Variants in TAF3 observed in about 807,000 individuals in gnomAD.
TAF3 encodes the protein TATA-box binding protein associated factor 3.
TAF3 carries 7 observed loss-of-function variants against 80.6 expected under a neutral mutation model. That is an observed-to-expected ratio of 0.09 (90% CI 0.05 to 0.16). The LOEUF is 0.16. Among genes scored for constraint, TAF3 ranks in the 10% least tolerant of loss-of-function variants. The pLI, the probability that TAF3 is intolerant of heterozygous loss-of-function variation, is 1.00. For missense variants in TAF3, 921 were observed against 1,140.2 expected, an observed-to-expected ratio of 0.81 and a Z score of 2.77; for synonymous variants, 444 against 446.1, an observed-to-expected ratio of 1.00 and a Z score of 0.06.
At chr10:7,924,988 GAGAAATACTCT>G (rs1263237395) in intron 2 of TAF3, among the ~76,000 whole-genome samples, 1 of 152,116 alleles carries the variant, frequency 6.6e-6, no homozygotes, top group Non-Finnish European at 1.5e-5. Flanking sequence ...TGTTAAAAGT[GAGAAATACTCT>G]AGATTTGTAA....
At chr10:7,973,963 A>T (rs1234583125) in intron 3 of TAF3, among the ~76,000 whole-genome samples, 4 of 152,070 alleles carry the variant, frequency 2.6e-5, no homozygotes, top group Admixed American at 2.6e-4. Flanking sequence ...CCCTGTCTCT[A>T]ATACAAATAC....
At chr10:7,993,852 T>A (rs1485382066) in intron 4 of TAF3, among the ~76,000 whole-genome samples, 1 of 150,244 alleles carries the variant, frequency 6.7e-6, no homozygotes, top group East Asian at 2.0e-4. Flanking sequence ...ATACACCTCA[T>A]ACAGGAGAGG....
intron 4 of TAF3, among the ~76,000 whole-genome samples, chr10:7,985,281 A>C (rs1390299616): frequency 6.6e-6 from 1 of 152,168 alleles, no homozygotes; most frequent in African/African-American, 2.4e-5. Flanking sequence ...AGGCTCTAGG[A>C]AAGAGTATGT....
intron 2 of TAF3, among the ~76,000 whole-genome samples, chr10:7,902,774 C>A (rs180777538): frequency 2.0e-5 from 3 of 152,204 alleles, no homozygotes; most frequent in Admixed American, 6.5e-5. Flanking sequence ...ATTGATGATT[C>A]TTGTCAGTTA....
intron 2 of TAF3, among the ~76,000 whole-genome samples, chr10:7,902,237 A>G (rs1837564971): frequency 6.6e-6 from 1 of 151,980 alleles, no homozygotes; most frequent in African/African-American, 2.4e-5. Context: ...CAGCCTGACC[A>G]ACATGGAGAA....
intron 4 of TAF3, among the ~76,000 whole-genome samples, chr10:7,981,260 C>T (rs1342596615): frequency 6.6e-6 from 1 of 152,194 alleles, no homozygotes; most frequent in Non-Finnish European, 1.5e-5. Context: ...AGCCTCCTCC[C>T]TCTTCCATCT....
At chr10:7,856,880 A>AT (rs398045835) in intron 2 of TAF3, among the ~76,000 whole-genome samples, 7 of 142,500 alleles carry the variant, frequency 4.9e-5, no homozygotes, top group Non-Finnish European at 9.3e-5. Flanking sequence ...AAAAAAAAAA[A>AT]GCAGAAAGAA....
intron 3 of TAF3, among the ~76,000 whole-genome samples, chr10:7,966,910 A>G (rs920256156): frequency 5.3e-5 from 8 of 152,242 alleles, no homozygotes; most frequent in African/African-American, 1.9e-4. Flanking sequence ...CTGAACATTG[A>G]CAAGTTAACA....
chr10:7,901,882 C>T (rs1286396634), intron 2 of TAF3, among the ~76,000 whole-genome samples: 2 of 151,936 alleles, frequency 1.3e-5, no homozygotes, highest in African/African-American at 4.8e-5. Context: ...TGTTTCCTTC[C>T]TATGTTTTGG....
intron 2 of TAF3, among the ~76,000 whole-genome samples, chr10:7,839,104 C>T (rs1407529086): frequency 6.6e-6 from 1 of 151,876 alleles, no homozygotes; most frequent in Admixed American, 6.6e-5. Flanking sequence ...TAGTTACTTG[C>T]CCCTCGTTGC....
chr10:7,837,333 A>T, intron 2 of TAF3, among the ~76,000 whole-genome samples: 1 of 139,330 alleles, frequency 7.2e-6, no homozygotes, highest in Non-Finnish European at 1.6e-5. Flanking sequence ...ACTGTGCTCC[A>T]GTCTGGGCAA....
At chr10:7,825,517 A>C (rs1412242641) in intron 2 of TAF3, among the ~76,000 whole-genome samples, 3 of 152,188 alleles carry the variant, frequency 2.0e-5, no homozygotes, top group African/African-American at 7.2e-5. Context: ...AGCCCCTGGC[A>C]ACCACCATTC....
intron 2 of TAF3, among the ~76,000 whole-genome samples, chr10:7,913,771 G>A (rs527679859): frequency 6.6e-6 from 1 of 152,300 alleles, no homozygotes; most frequent in South Asian, 2.1e-4. Context: ...TACAGTAAGA[G>A]GTATACTGCG....
chr10:7,848,741 GA>G (rs1419461777), intron 2 of TAF3, among the ~76,000 whole-genome samples: 1 of 152,156 alleles, frequency 6.6e-6, no homozygotes, highest in Admixed American at 6.5e-5. Context: ...TGGTATTAAA[GA>G]AAAATGCTCT....
intron 2 of TAF3, among the ~76,000 whole-genome samples, chr10:7,887,342 G>A (rs967226659): frequency 1.3e-5 from 2 of 152,056 alleles, no homozygotes; most frequent in Admixed American, 6.6e-5. Context: ...GTGTACAATC[G>A]TTGACCTGTG....
intron 2 of TAF3, among the ~76,000 whole-genome samples, chr10:7,960,099 C>T (rs1204434613): frequency 6.6e-6 from 1 of 152,202 alleles, no homozygotes; most frequent in African/African-American, 2.4e-5. Flanking sequence ...TAAGCCAAAC[C>T]TTTATCATTC....
At position 7,964,632 on chromosome 10, in the gene TAF3, G is replaced by C. The variant is rs1831549427; in HGVS notation, c.1122G>C (p.Glu374Asp). 2 of 1,614,150 alleles carry C rather than the reference G, an allele frequency of 1.2e-6. No homozygotes were observed. The highest frequency in any genetic ancestry group is 1.7e-6 in the Non-Finnish European group (2 of 1,180,038). Residue 374 changes from glutamate (E) to aspartate (D), a missense_variant, in exon 3 of 7, where the codon GAG becomes GAC. Physicochemically the swap from Glu to Asp is conservative, Grantham distance 45. Coordinates refer to ENST00000344293, the MANE Select transcript of TAF3 (RefSeq NM_031923.4). This position sits in a 1 kb window ranked among gnomAD's most constrained non-coding sequence, Gnocchi z 4.1. ...CTGATGCTGGGAAACTGAACAGTGA[G>C]AATCAGCCGAAAAAGGCTGTGGTAG... ...TPPDAGKLNS[E>D]NQPKKAVVAD...
chr10:7,897,691 G>A (rs1041876987), intron 2 of TAF3, among the ~76,000 whole-genome samples: 2 of 78,218 alleles, frequency 2.6e-5, no homozygotes, highest in African/African-American at 1.1e-4. Context: ...TTTTTTTTTT[G>A]AGACTCTCAC....
At chr10:7,958,105 C>T (rs993302861) in intron 2 of TAF3, among the ~76,000 whole-genome samples, 1 of 152,020 alleles carries the variant, frequency 6.6e-6, no homozygotes, top group African/African-American at 2.4e-5. Flanking sequence ...TACTTTGTTG[C>T]CATTCAATTA....
Sources: gnomAD v4.1 joint callset for allele counts (sites outside exome capture counted in the v4.1 genomes callset) on GRCh38, gnomAD v4.1.1 for gene constraint, Gnocchi (gnomAD v3.1) non-coding constraint, MANE v1.5 for transcripts, NCBI Gene and HGNC (gene_info 2026-07-23, HGNC 2026-07-21) for gene names.